TMEM117: variants seen among roughly 807,000 people sequenced by gnomAD.
TMEM117 encodes the protein transmembrane protein 117.
TMEM117 carries 27 observed loss-of-function variants against 52.4 expected under a neutral mutation model. The ratio of observed to expected loss-of-function variants is 0.51; its 90% CI spans 0.38 to 0.71. TMEM117 has a LOEUF of 0.71. TMEM117 is among the 30% of genes least tolerant of loss of function. The pLI, the probability that TMEM117 is intolerant of heterozygous loss-of-function variation, is 0.00. For missense variants in TMEM117, 556 were observed against 630.5 expected (o/e 0.88, Z 1.26); for synonymous variants, 215 against 206.3 (o/e 1.04, Z -0.36).
At chr12:44,142,852 A>G (rs933090406) in intron 3 of TMEM117, among the ~76,000 whole-genome samples, 1 of 152,170 alleles carries the variant, frequency 6.6e-6, no homozygotes, top group African/African-American at 2.4e-5. Context: ...CTTGAATATT[A>G]AATGAAAATG....
At chr12:44,126,090 A>G (rs1948320318) in intron 3 of TMEM117, among the ~76,000 whole-genome samples, 1 of 151,046 alleles carries the variant, frequency 6.6e-6, no homozygotes, top group South Asian at 2.1e-4. Context: ...TTATGACTTC[A>G]GGTTTTTTTT....
chr12:44,391,921 C>T (rs1952163674), downstream of TMEM117, among the ~76,000 whole-genome samples: 1 of 152,154 alleles, frequency 6.6e-6, no homozygotes, highest in African/African-American at 2.4e-5. Context: ...CTGATTTCTT[C>T]GAGCTTTGTC....
chr12:43,852,259 G>A (rs1285900583), intron 2 of TMEM117, among the ~76,000 whole-genome samples: 2 of 152,154 alleles, frequency 1.3e-5, no homozygotes, highest in African/African-American at 2.4e-5. Context: ...GTGAAACCCC[G>A]TCTCTACTAA....
intron 5 of TMEM117, among the ~76,000 whole-genome samples, chr12:44,221,624 A>G (rs1949789714): frequency 6.6e-6 from 1 of 152,190 alleles, no homozygotes; most frequent in Non-Finnish European, 1.5e-5. Context: ...ACTTTTGTCT[A>G]AATGGTATCT....
chr12:43,929,922 A>G (rs1944844493), intron 2 of TMEM117, among the ~76,000 whole-genome samples: 1 of 151,996 alleles, frequency 6.6e-6, no homozygotes, highest in African/African-American at 2.4e-5. Flanking sequence ...CTTTTCAGTA[A>G]TTTTTTTATG....
intron 6 of TMEM117, among the ~76,000 whole-genome samples, chr12:44,352,905 C>G (rs1469698634): frequency 6.6e-6 from 1 of 152,130 alleles, no homozygotes; most frequent in Non-Finnish European, 1.5e-5. Context: ...AGTTTACAGT[C>G]CCACCAACAG....
At chr12:44,087,491 C>T (rs1240963463) in intron 3 of TMEM117, among the ~76,000 whole-genome samples, 1 of 152,000 alleles carries the variant, frequency 6.6e-6, no homozygotes, top group Non-Finnish European at 1.5e-5. Context: ...GACAGAGTCT[C>T]ACTCTTGTTA....
intron 6 of TMEM117, among the ~76,000 whole-genome samples, chr12:44,356,712 T>A (rs1021910505): frequency 1.3e-5 from 2 of 152,088 alleles, no homozygotes; most frequent in Non-Finnish European, 2.9e-5. Flanking sequence ...CCCACTCCTT[T>A]GGTTCCCTTA....
At chr12:44,098,928 G>A (rs910211658) in intron 3 of TMEM117, among the ~76,000 whole-genome samples, 2 of 151,994 alleles carry the variant, frequency 1.3e-5, no homozygotes, top group African/African-American at 2.4e-5. Flanking sequence ...CATGGCAGAC[G>A]TCTCTTGCCT....
chr12:43,974,367 A>C (rs1401585081), intron 3 of TMEM117, among the ~76,000 whole-genome samples: 1 of 152,134 alleles, frequency 6.6e-6, no homozygotes, highest in East Asian at 1.9e-4. Flanking sequence ...GACTTTATTC[A>C]GAAAACTTTT....
At chr12:44,159,042 A>G (rs1036586454) in intron 4 of TMEM117, among the ~76,000 whole-genome samples, 1 of 152,116 alleles carries the variant, frequency 6.6e-6, no homozygotes, top group African/African-American at 2.4e-5. Flanking sequence ...GGAGGAAGAA[A>G]TCTGCAGAGA....
At chr12:44,124,123 C>T (rs956263702) in intron 3 of TMEM117, among the ~76,000 whole-genome samples, 11 of 152,038 alleles carry the variant, frequency 7.2e-5, no homozygotes, top group Admixed American at 3.9e-4. Flanking sequence ...CTTCACTTCC[C>T]TTGTTAGCTG....
At chr12:43,966,381 A>G (rs1258967453) in intron 3 of TMEM117, among the ~76,000 whole-genome samples, 1 of 152,214 alleles carries the variant, frequency 6.6e-6, no homozygotes, top group African/African-American at 2.4e-5. Context: ...GATGGTTTTT[A>G]ATTTGTTATT....
intron 3 of TMEM117, among the ~76,000 whole-genome samples, chr12:44,024,642 GGAGA>G (rs1946504362): frequency 6.6e-6 from 1 of 150,394 alleles, no homozygotes; most frequent in African/African-American, 2.4e-5. Context: ...AGGGAGGGAG[GGAGA>G]GAGAGTAGGA....
intron 5 of TMEM117, among the ~76,000 whole-genome samples, chr12:44,283,773 A>C (rs1950605205): frequency 6.6e-6 from 1 of 152,048 alleles, no homozygotes; most frequent in Admixed American, 6.5e-5. Context: ...AGGACATGAG[A>C]TTTAGAGGAG....
Position 44,225,529 on chromosome 12 carries a change from T to C in TMEM117, c.608+14142T>C, listed in dbSNP as rs565221468. 3.9e-5 allele frequency among the ~76,000 whole-genome samples: 6 copies of C among 152,302 alleles called. No individual in the cohort carries two copies. In the South Asian group the frequency reaches 1.2e-3, roughly 32 times the overall value. On this transcript the variant is annotated intron_variant, in intron 5 of 7. Coordinates refer to ENST00000266534, the MANE Select transcript of TMEM117 (RefSeq NM_032256.3). ...TTCCTTTTAGCATAAGATGATTACA[T>C]ATAGAATCATATAATCTGAATTCTA...
At chr12:43,888,752 G>A (rs573788572) in intron 2 of TMEM117, among the ~76,000 whole-genome samples, 3 of 152,002 alleles carry the variant, frequency 2.0e-5, no homozygotes, top group South Asian at 2.1e-4. Flanking sequence ...GTTTCACCAC[G>A]TTAGCCAGGA....
intron 2 of TMEM117, among the ~76,000 whole-genome samples, chr12:43,902,114 T>C (rs1944313448): frequency 6.6e-6 from 1 of 152,226 alleles, no homozygotes; most frequent in African/African-American, 2.4e-5. Flanking sequence ...TGTCTTATAT[T>C]GCAAAGCAGA....
At chr12:44,145,211 G>T (rs1208658780) in intron 4 of TMEM117, among the ~76,000 whole-genome samples, 1 of 152,144 alleles carries the variant, frequency 6.6e-6, no homozygotes, top group Admixed American at 6.5e-5. Context: ...AGCTTTTTAG[G>T]AGGAGATACA....
Sources: allele counts gnomAD v4.1 joint callset (sites outside exome capture counted in the v4.1 genomes callset), GRCh38; gene constraint gnomAD v4.1.1; transcripts MANE v1.5; gene names NCBI Gene and HGNC (gene_info 2026-07-23, HGNC 2026-07-21).